The following CACNA1C variants were observed in gnomAD, a reference collection of about 807,000 sequenced individuals.
CACNA1C encodes the protein calcium voltage-gated channel subunit alpha1 C.
CACNA1C carries 30 observed loss-of-function variants against 229.0 expected under a neutral mutation model. That is an observed-to-expected ratio of 0.13 (90% CI 0.10 to 0.18). The LOEUF (loss-of-function observed/expected upper bound fraction) is 0.18, where lower values mean the gene tolerates loss of function less well. CACNA1C is among the 10% of genes least tolerant of loss of function. CACNA1C has a pLI of 1.00. For missense variants in CACNA1C, 1,658 were observed against 2,845.0 expected (o/e 0.58, Z 9.49); for synonymous variants, 1,114 against 1,132.5 (o/e 0.98, Z 0.33).
chr12:2,595,844 G>A lies in CACNA1C; in HGVS notation c.2664-30G>A, dbSNP rs763349119. 1 of 1,606,944 alleles carries A rather than the reference G, an allele frequency of 6.2e-7. No homozygotes were observed. The highest frequency in any genetic ancestry group is 1.1e-5 in the South Asian group (1 of 90,202). ...TGCTTCCCCTTGTCTGCCTTGACTT[G>A]TCTCTCCTCCTGTCCCCTCTCCCGT... is the stretch of plus-strand genomic sequence containing the variant. On this transcript the variant is annotated intron_variant, in intron 19 of 46. Transcript: ENST00000399655. This position sits in a 1 kb window ranked among gnomAD's most constrained non-coding sequence, Gnocchi z 4.1.
chr12:2,310,225 C>T (rs960455480), intron 3 of CACNA1C, among the ~76,000 whole-genome samples: 7 of 152,062 alleles, frequency 4.6e-5, no homozygotes, highest in African/African-American at 1.7e-4. Context: ...CATAACTGAA[C>T]CCAAGTCAGG....
chr12:2,035,128 C>T (rs563292032), intron 1 of CACNA1C, among the ~76,000 whole-genome samples: 1 of 152,300 alleles, frequency 6.6e-6, no homozygotes, highest in South Asian at 2.1e-4. Context: ...GGCGTGGCCT[C>T]CCCTGCGCCG....
intron 1 of CACNA1C, chr12:1,991,299 TG>T: frequency 2.3e-6 from 1 of 440,620 alleles, no homozygotes; most frequent in South Asian, 1.6e-5. Flanking sequence ...TTATTAAACA[TG>T]GTAAAATAAA....
intron 28 of CACNA1C, among the ~76,000 whole-genome samples, chr12:2,611,316 G>A (rs56336000): frequency 6.0e-4 from 84 of 140,794 alleles, no homozygotes; most frequent in African/African-American, 2.2e-3. Context: ...AGGAGATGGA[G>A]AACGGAGGGA....
At chr12:2,312,762 C>T (rs946924940) in intron 3 of CACNA1C, among the ~76,000 whole-genome samples, 4 of 152,102 alleles carry the variant, frequency 2.6e-5, no homozygotes, top group African/African-American at 7.2e-5. Flanking sequence ...GCATTTCAAC[C>T]GTCATACCAT....
intron 1 of CACNA1C, among the ~76,000 whole-genome samples, chr12:2,041,894 G>A (rs76955123): frequency 0.026 from 3,939 of 152,310 alleles, 175 homozygotes; most frequent in African/African-American, 0.09. Flanking sequence ...CCTCCACAGT[G>A]CTTTGCTTGC....
At chr12:2,142,310 C>T (rs2094310143) in intron 3 of CACNA1C, among the ~76,000 whole-genome samples, 1 of 151,028 alleles carries the variant, frequency 6.6e-6, no homozygotes, top group African/African-American at 2.4e-5. Context: ...TTTCTGCCGT[C>T]GTAATGGTGC....
At chr12:2,637,783 T>C (rs1163599920) in intron 30 of CACNA1C, among the ~76,000 whole-genome samples, 1 of 152,206 alleles carries the variant, frequency 6.6e-6, no homozygotes, top group Non-Finnish European at 1.5e-5. Flanking sequence ...AGACATATAT[T>C]CCCAGGGATA....
chr12:2,123,161 G>A lies in CACNA1C; in HGVS notation c.477+2731G>A, dbSNP rs538371496. Among the ~76,000 whole-genome samples the A allele has an allele frequency of 2.4e-3, 359 of 152,266 alleles. 1 individual carries two copies. Among genetic ancestry groups the A allele is most frequent in the African/African-American group, 8.3e-3 (343 of 41,546 alleles). On this transcript the variant is annotated intron_variant, in intron 3 of 46. Coordinates refer to ENST00000399655, the MANE Select transcript of CACNA1C (RefSeq NM_000719.7). ...GGAGGTTGAGGCAGGTGGATCATGAGGTCAGGAGATCGAGACCAGCCTGGC... is the reference window on the plus strand; with the variant it reads ...GGAGGTTGAGGCAGGTGGATCATGAAGTCAGGAGATCGAGACCAGCCTGGC...
chr12:2,295,886 G>A (rs2093992432), intron 3 of CACNA1C, among the ~76,000 whole-genome samples: 1 of 152,212 alleles, frequency 6.6e-6, no homozygotes, highest in South Asian at 2.1e-4. Context: ...TGCCATAGCT[G>A]CATCTCCCAG....
rs2097804037 is a variant in CACNA1C, at chr12:2,693,028, CAGTGTA to C, written c.*1830_*1835del. 1 of 152,560 alleles carries C rather than the reference CAGTGTA, an allele frequency of 6.6e-6. No individual in the cohort carries two copies. The highest frequency in any genetic ancestry group is 1.5e-5 in the Non-Finnish European group (1 of 68,038). The allele number at this position is 152,560 out of a possible 1,614,324, so 9.5% of individuals were successfully genotyped here. The stretch of plus-strand genomic sequence containing the variant: ...TTTGCACAATGAGCAAAGGTATCAC[CAGTGTA>C]GTCATTATTCTGCTCTCCACAAACA... On this transcript the variant is annotated 3_prime_UTR_variant, in exon 47 of 47. Transcript: ENST00000399655.
At chr12:2,408,396 A>C (rs2098762589) in intron 3 of CACNA1C, among the ~76,000 whole-genome samples, 1 of 152,178 alleles carries the variant, frequency 6.6e-6, no homozygotes, top group Admixed American at 6.5e-5. Context: ...AGTAAATTTT[A>C]TGTTATGTAT....
intron 1 of CACNA1C, among the ~76,000 whole-genome samples, chr12:2,047,205 T>G (rs2051236787): frequency 6.6e-6 from 1 of 152,372 alleles, no homozygotes; most frequent in African/African-American, 2.4e-5. Flanking sequence ...GTTTTGCACC[T>G]GTACAATGGT....
rs1040858029 is a variant in CACNA1C at position 2,181,714 on chromosome 12, G to A, written c.477+61284G>A. Among the ~76,000 whole-genome samples, 6 of 152,006 alleles carry A rather than the reference G, an allele frequency of 3.9e-5. No individual in the cohort carries two copies. The highest frequency in any genetic ancestry group is 6.6e-5 in the Admixed American group (1 of 15,262). On this transcript the variant is annotated intron_variant, in intron 3 of 46. Transcript: ENST00000399655. The surrounding 1 kb of genome is among the most constrained non-coding windows in gnomAD (Gnocchi z 4.0). The stretch of plus-strand genomic sequence containing the variant: ...CCAGGGGACCCACATCCACGATATC[G>A]TTTTTTTACAGCTCATTACTGAATC...
intron 34 of CACNA1C, among the ~76,000 whole-genome samples, chr12:2,656,802 A>G (rs1386633253): frequency 1.3e-5 from 2 of 152,256 alleles, no homozygotes; most frequent in East Asian, 3.8e-4. Context: ...TTGATTTTCG[A>G]CAAAGGTGCC....
At chr12:2,688,302 C>A in intron 45 of CACNA1C, 145 bp from the exon 46 acceptor site, 1 of 704,870 alleles carries the variant, frequency 1.4e-6, no homozygotes, top group Non-Finnish European at 2.5e-6. Context: ...ATAGGACCGA[C>A]AGGGGAAAAT....
chr12:2,568,433 T>G (rs2052458617), intron 13 of CACNA1C, among the ~76,000 whole-genome samples: 2 of 152,172 alleles, frequency 1.3e-5, no homozygotes, highest in South Asian at 4.1e-4. Context: ...AATGATAGGA[T>G]TACCCTCTCA....
chr12:2,684,415 T>C (rs1461266587), intron 43 of CACNA1C, among the ~76,000 whole-genome samples: 3 of 152,184 alleles, frequency 2.0e-5, no homozygotes, highest in Admixed American at 6.5e-5. Flanking sequence ...TGTCTCTAAA[T>C]TGATTCTTAG....
chr12:2,080,530 G>A (rs1273431395), intron 1 of CACNA1C, among the ~76,000 whole-genome samples: 1 of 151,744 alleles, frequency 6.6e-6, no homozygotes, highest in Non-Finnish European at 1.5e-5. Flanking sequence ...GAACCCGGGA[G>A]GCGGAGCTTG....
Sources: allele counts gnomAD v4.1 joint callset (sites outside exome capture counted in the v4.1 genomes callset), GRCh38; gene constraint gnomAD v4.1.1; non-coding constraint Gnocchi (gnomAD v3.1); transcripts MANE v1.5; gene names NCBI Gene and HGNC (gene_info 2026-07-23, HGNC 2026-07-21).